Variants in NELL1 observed in about 807,000 individuals in gnomAD.
NELL1 encodes protein kinase C-binding protein NELL1.
A neutral mutation model predicts 107.4 loss-of-function variants in NELL1; 76 were observed. The ratio of observed to expected loss-of-function variants is 0.71; its 90% confidence interval spans 0.59 to 0.86. NELL1 has a LOEUF of 0.86. Ranked by LOEUF, NELL1 falls within the 40% of genes least tolerant of loss-of-function variation. The probability of loss-of-function intolerance (pLI) is 0.00; values close to 1 mark genes in which losing one functional copy is unlikely to be tolerated. For missense variants in NELL1, 1,024 were observed against 1,005.5 expected, an observed-to-expected ratio of 1.02 and a Z score of -0.25; for synonymous variants, 353 against 341.2, an observed-to-expected ratio of 1.03 and a Z score of -0.38.
intron 15 of NELL1, among the ~76,000 whole-genome samples, chr11:21,411,785 T>C (rs1852383857): frequency 6.6e-6 from 1 of 151,988 alleles, no homozygotes; most frequent in South Asian, 2.1e-4. Flanking sequence ...ATTCAGTAGA[T>C]TTGATTCAGT....
chr11:21,425,491 A>G (rs77830100), intron 15 of NELL1, among the ~76,000 whole-genome samples: 6,783 of 152,284 alleles, frequency 0.045, 323 homozygotes, highest in East Asian at 0.17. Flanking sequence ...TAGGGTCATT[A>G]TAAGTGAGAC....
chr11:20,878,026 A>T (rs1049263004), intron 4 of NELL1, among the ~76,000 whole-genome samples: 1 of 152,170 alleles, frequency 6.6e-6, no homozygotes, highest in Non-Finnish European at 1.5e-5. Flanking sequence ...ACTGATTACA[A>T]CATAATCAGA....
rs569624487 is a variant in NELL1, at chr11:21,511,200, G to A, written c.1646-23174G>A. On this transcript the variant is annotated intron_variant, in intron 15 of 19. Transcript: ENST00000357134. ...GAGATGTTATCTCCAATATATTCTA[G>A]CAAATATATAATGTAATAATACATT... Among the ~76,000 whole-genome samples the A allele has an allele frequency of 4.3e-4, 66 of 152,258 alleles. 4 individuals carry two copies. In the South Asian group the frequency reaches 0.013, roughly 30 times the overall value.
chr11:21,108,419 T>G (rs1327562100), intron 12 of NELL1, among the ~76,000 whole-genome samples: 1 of 152,090 alleles, frequency 6.6e-6, no homozygotes, highest in African/African-American at 2.4e-5. Context: ...AAAAACAAAC[T>G]ATTTCACCAT....
chr11:21,066,969 G>GTAAATAAATAAATAAATAAA (rs10542680), intron 12 of NELL1, among the ~76,000 whole-genome samples: 10 of 148,528 alleles, frequency 6.7e-5, no homozygotes, highest in East Asian at 2.0e-4. Context: ...AATTTAAAAA[G>GTAAATAAATAAATAAATAAA]TAAATAAATA....
chr11:20,723,781 G>A (rs1855447741), intron 2 of NELL1, among the ~76,000 whole-genome samples: 1 of 152,198 alleles, frequency 6.6e-6, no homozygotes. Context: ...GCCTAGCAGA[G>A]GTTTTCCGTG....
At chr11:20,811,097 C>T (rs775858347) in intron 3 of NELL1, among the ~76,000 whole-genome samples, 2 of 152,114 alleles carry the variant, frequency 1.3e-5, no homozygotes, top group Admixed American at 6.5e-5. Context: ...AGATTTCTCA[C>T]GTGTTTTCTT....
At chr11:20,814,304 A>G (rs1050585051) in intron 3 of NELL1, among the ~76,000 whole-genome samples, 1 of 152,108 alleles carries the variant, frequency 6.6e-6, no homozygotes, top group African/African-American at 2.4e-5. Context: ...TAAAATTTCA[A>G]CATTTATTTT....
chr11:20,874,245 T>C (rs999197592), intron 4 of NELL1, among the ~76,000 whole-genome samples: 1 of 152,176 alleles, frequency 6.6e-6, no homozygotes, highest in Non-Finnish European at 1.5e-5. Flanking sequence ...TTTTTGTATT[T>C]TTAGTAGAGT....
intron 17 of NELL1, among the ~76,000 whole-genome samples, chr11:21,567,070 C>A (rs1185621289): frequency 6.6e-6 from 1 of 151,798 alleles, no homozygotes; most frequent in East Asian, 2.0e-4. Context: ...TGTGCAGCGA[C>A]CTTTTCTGAA....
At chr11:20,694,087 A>T (rs1854548762) in intron 2 of NELL1, among the ~76,000 whole-genome samples, 1 of 152,076 alleles carries the variant, frequency 6.6e-6, no homozygotes, top group African/African-American at 2.4e-5. Context: ...TGGGCTCCTG[A>T]GGCTCTGCAT....
intron 15 of NELL1, among the ~76,000 whole-genome samples, chr11:21,491,701 G>A (rs974963325): frequency 2.0e-5 from 3 of 152,008 alleles, no homozygotes; most frequent in Non-Finnish European, 4.4e-5. Flanking sequence ...GGTTCCATAT[G>A]AACTTTAAAG....
intron 3 of NELL1, among the ~76,000 whole-genome samples, chr11:20,829,172 G>A (rs540956405): frequency 7.8e-4 from 118 of 150,408 alleles, no homozygotes; most frequent in Non-Finnish European, 1.3e-3. Flanking sequence ...AACATCTTAC[G>A]TAACCATGAT....
intron 12 of NELL1, among the ~76,000 whole-genome samples, chr11:21,044,810 A>T (rs1590577939): frequency 6.6e-6 from 1 of 152,274 alleles, no homozygotes; most frequent in Middle Eastern, 3.4e-3. Flanking sequence ...GGATTATCAA[A>T]TGAGAGCTGT....
intron 13 of NELL1, among the ~76,000 whole-genome samples, chr11:21,126,487 T>C (rs529499993): frequency 1.2e-4 from 19 of 152,238 alleles, no homozygotes; most frequent in Admixed American, 1.1e-3. Context: ...CTCTGCCTCT[T>C]ACAAGCTTTG....
chr11:21,148,687 C>T (rs1453242495), intron 13 of NELL1, among the ~76,000 whole-genome samples: 1 of 152,158 alleles, frequency 6.6e-6, no homozygotes, highest in African/African-American at 2.4e-5. Flanking sequence ...ACTGATTCAT[C>T]TGTAAGGAGC....
At chr11:20,927,888 C>CT (rs1473203300) in intron 8 of NELL1, among the ~76,000 whole-genome samples, 1 of 152,232 alleles carries the variant, frequency 6.6e-6, no homozygotes, top group African/African-American at 2.4e-5. Flanking sequence ...CCCTGACTCA[C>CT]TGTCAGTGTG....
At chr11:20,952,125 T>C (rs1386038377) in intron 11 of NELL1, among the ~76,000 whole-genome samples, 1 of 152,084 alleles carries the variant, frequency 6.6e-6, no homozygotes, top group Non-Finnish European at 1.5e-5. Flanking sequence ...AGACCCATCA[T>C]TTGACCCATC....
At chr11:21,574,395 C>T (rs974693615) in intron 19 of NELL1, among the ~76,000 whole-genome samples, 1 of 151,580 alleles carries the variant, frequency 6.6e-6, no homozygotes, top group African/African-American at 2.4e-5. Context: ...CACAGGGAGA[C>T]CTCTGTTACT....
Sources: gnomAD v4.1 joint callset for allele counts (sites outside exome capture counted in the v4.1 genomes callset) on GRCh38, gnomAD v4.1.1 for gene constraint, MANE v1.5 for transcripts, NCBI Gene and HGNC (gene_info 2026-07-23, HGNC 2026-07-21) for gene names.